SCN3A: variants seen among roughly 807,000 people sequenced by gnomAD.
SCN3A encodes sodium channel protein type 3 subunit alpha.
In SCN3A, 60 loss-of-function variants were observed where a neutral mutation model predicts 187.6. The observed-to-expected ratio is 0.32, with a 90% CI of 0.26 to 0.40. The LOEUF is 0.40. Ranked by LOEUF, SCN3A falls within the 10% of genes least tolerant of loss-of-function variation. The probability of loss-of-function intolerance (pLI) is 1.00; values close to 1 mark genes in which losing one functional copy is unlikely to be tolerated. For missense variants in SCN3A, 1,601 were observed against 2,428.2 expected (o/e 0.66, Z 7.16); for synonymous variants, 788 against 829.2 (o/e 0.95, Z 0.85).
At chr2:165,164,338 G>A in intron 6 of SCN3A, 54 bp downstream of exon 6, 2 of 1,609,502 alleles carry the variant, frequency 1.2e-6, no homozygotes, top group Non-Finnish European at 1.7e-6. Context: ...GACCTTGTTT[G>A]TACTATGACT....
chr2:165,118,417 T>C (rs1297025887), intron 18 of SCN3A, among the ~76,000 whole-genome samples: 1 of 152,194 alleles, frequency 6.6e-6, no homozygotes, highest in Non-Finnish European at 1.5e-5. Flanking sequence ...AGAGGGAATC[T>C]TGGCAAAGCT....
At chr2:165,103,048 A>G (rs182367495) in intron 21 of SCN3A, among the ~76,000 whole-genome samples, 7 of 152,362 alleles carry the variant, frequency 4.6e-5, no homozygotes, top group Non-Finnish European at 8.8e-5. Flanking sequence ...GGTTTGCATG[A>G]CTTAAGCTAC....
At chr2:165,137,438 A>G (rs969301901) in intron 15 of SCN3A, among the ~76,000 whole-genome samples, 1 of 152,098 alleles carries the variant, frequency 6.6e-6, no homozygotes, top group Admixed American at 6.6e-5. Flanking sequence ...ATTATCACTG[A>G]AGCTTTTTAT....
At chr2:165,179,757 G>C (rs1231637398) in intron 2 of SCN3A, 2 of 152,140 alleles carry the variant, frequency 1.3e-5, no homozygotes, top group Non-Finnish European at 2.9e-5. Flanking sequence ...TTAGTGAGTA[G>C]AGTTTCTCAT....
chr2:165,141,006 GA>G lies in SCN3A; in HGVS notation c.1672-9del. The G allele has an allele frequency of 2.5e-6, 4 of 1,604,232 alleles. No individual in the cohort carries two copies. Among genetic ancestry groups the G allele is most frequent in the Non-Finnish European group, 3.4e-6 (4 of 1,172,846 alleles). On this transcript the variant is annotated splice_polypyrimidine_tract_variant and intron_variant, in intron 12 of 27. Transcript: ENST00000283254. ...ACGGATACTCAAGAGAGACTGCAGAGAAAGCAAAAAGGAAAGGAATGGGATG... is the reference window on the plus strand; with the variant it reads ...ACGGATACTCAAGAGAGACTGCAGAGAAGCAAAAAGGAAAGGAATGGGATG...
At chr2:165,201,055 G>C (rs1350110615) in intron 1 of SCN3A, among the ~76,000 whole-genome samples, 68 of 152,054 alleles carry the variant, frequency 4.5e-4, no homozygotes, top group Admixed American at 4.5e-3. Context: ...GTGAAACCTA[G>C]ATTCCCTTTG....
intron 11 of SCN3A, among the ~76,000 whole-genome samples, chr2:165,149,156 T>C (rs994683482): frequency 2.7e-5 from 4 of 147,932 alleles, no homozygotes; most frequent in African/African-American, 7.5e-5. Context: ...CTACAACTTA[T>C]GTCCATTTAA....
intron 11 of SCN3A, among the ~76,000 whole-genome samples, chr2:165,148,011 CAT>C (rs1225137651): frequency 1.3e-5 from 2 of 152,108 alleles, no homozygotes; most frequent in African/African-American, 4.8e-5. Flanking sequence ...AAACTTTTTA[CAT>C]ATGTCATCAC....
chr2:165,178,509 G>C (rs564463107), intron 2 of SCN3A, among the ~76,000 whole-genome samples: 2 of 152,134 alleles, frequency 1.3e-5, no homozygotes, highest in South Asian at 4.1e-4. Flanking sequence ...GGATTACAGC[G>C]GTGAGCCAAT....
intron 10 of SCN3A, among the ~76,000 whole-genome samples, 180 bp downstream of exon 10, chr2:165,155,582 A>G (rs1282213945): frequency 6.6e-6 from 1 of 152,020 alleles, no homozygotes; most frequent in Non-Finnish European, 1.5e-5. Flanking sequence ...GTATTTTGGT[A>G]GAGATGGGGT....
intron 11 of SCN3A, among the ~76,000 whole-genome samples, chr2:165,153,219 C>T (rs1322371282): frequency 6.6e-6 from 1 of 151,982 alleles, no homozygotes; most frequent in Non-Finnish European, 1.5e-5. Context: ...TGTTTTTATG[C>T]AGTTGGAATA....
At chr2:165,129,790 A>T in intron 17 of SCN3A, 150 bp downstream of exon 17, 2 of 960,232 alleles carry the variant, frequency 2.1e-6, no homozygotes, top group Non-Finnish European at 3.3e-6. Flanking sequence ...AGGAGAAGTT[A>T]AATAACTTGC....
rs1211651280 is a variant in SCN3A, at chr2:165,089,980, G to A, written c.*170C>T. On this transcript the variant is annotated 3_prime_UTR_variant, in exon 28 of 28. Transcript: ENST00000283254. ...GTCAATGTTGATACCCTGCTTCACA[G>A]AGTTGCAGTGACAGAGAGGTCACTT... 2 of 846,370 alleles carry A rather than the reference G, an allele frequency of 2.4e-6. No homozygotes were observed. Among genetic ancestry groups the A allele is most frequent in the African/African-American group, 3.4e-5 (2 of 58,304 alleles). 52.4% of individuals were successfully genotyped at this position (846,370 alleles called of 1,614,324 possible).
rs759564062 is a variant in SCN3A, at chr2:165,100,063, T to C, written c.3966+239A>G. Among the ~76,000 whole-genome samples the C allele has an allele frequency of 2.0e-4, 31 of 152,156 alleles. 1 individual carries two copies. The highest frequency in any genetic ancestry group is 3.4e-4 in the Non-Finnish European group (23 of 68,022). ...AAGGTTTTTGAGTGTTGTAGAAACATATTTGAACTGTGACAAGAAGACCTG... is the reference window on the plus strand; with the variant it reads ...AAGGTTTTTGAGTGTTGTAGAAACACATTTGAACTGTGACAAGAAGACCTG... On this transcript the variant is annotated intron_variant, in intron 22 of 27. Transcript: ENST00000283254.
In SCN3A at chr2:165,092,168, A is replaced by G. The variant is rs560190817; in HGVS notation, c.4807+86T>C. The G allele has an allele frequency of 1.2e-5, 16 of 1,280,760 alleles. No individual in the cohort carries two copies. The highest frequency in any genetic ancestry group is 1.7e-5 in the Non-Finnish European group (15 of 878,574). The allele number at this position is 1,280,760 out of a possible 1,614,324, so 79.3% of individuals were successfully genotyped here. ...CATCTATATGCATTATTATTCTCAGACCTAATTTCCATGTTAATCAGCTAG... is the reference window on the plus strand; with the variant it reads ...CATCTATATGCATTATTATTCTCAGGCCTAATTTCCATGTTAATCAGCTAG... On this transcript the variant is annotated intron_variant, in intron 27 of 27. Transcript: ENST00000283254. This position sits in a 1 kb window ranked among gnomAD's most constrained non-coding sequence, Gnocchi z 4.2.
At chr2:165,156,833 C>A (rs116477275) in intron 9 of SCN3A, among the ~76,000 whole-genome samples, 1 of 151,772 alleles carries the variant, frequency 6.6e-6, no homozygotes, top group Admixed American at 6.6e-5. Context: ...ATTACAGGTG[C>A]GAGCCACCGC....
At chr2:165,178,192 A>C (rs1284384306) in intron 2 of SCN3A, among the ~76,000 whole-genome samples, 1 of 152,086 alleles carries the variant, frequency 6.6e-6, no homozygotes, top group Non-Finnish European at 1.5e-5. Context: ...TTCCAATGAC[A>C]AAAAAGTGTT....
intron 1 of SCN3A, among the ~76,000 whole-genome samples, chr2:165,196,894 C>T (rs16850230): frequency 0.18 from 26,680 of 151,880 alleles, 3,408 homozygotes; most frequent in African/African-American, 0.36. Context: ...TACTCTTATT[C>T]GATTATTCAA....
At position 165,160,274 on chromosome 2, in the gene SCN3A, G is replaced by C. The variant is rs191617775; in HGVS notation, c.1031+2034C>G. ...CACTGATTCTACATTATGGTGACTTGTACAATTATTTCATTATATATTACA... is the reference window on the plus strand; with the variant it reads ...CACTGATTCTACATTATGGTGACTTCTACAATTATTTCATTATATATTACA... On this transcript the variant is annotated intron_variant, in intron 9 of 27. Coordinates refer to ENST00000283254, the MANE Select transcript of SCN3A (RefSeq NM_006922.4). Among the ~76,000 whole-genome samples, 475 of 152,228 alleles carry C rather than the reference G, an allele frequency of 3.1e-3. 3 individuals are homozygous for C. The highest frequency in any genetic ancestry group is 0.011 in the African/African-American group (447 of 41,532).
Sources: allele counts gnomAD v4.1 joint callset (sites outside exome capture counted in the v4.1 genomes callset), GRCh38; gene constraint gnomAD v4.1.1; non-coding constraint Gnocchi (gnomAD v3.1); transcripts MANE v1.5; gene names NCBI Gene and HGNC (gene_info 2026-07-23, HGNC 2026-07-21).